The following YIF1B variants were observed in gnomAD, a reference collection of about 807,000 sequenced individuals.
YIF1B encodes protein YIF1B.
In YIF1B, 24 loss-of-function variants were observed where a neutral mutation model predicts 34.6. The observed-to-expected ratio is 0.69, with a 90% CI of 0.50 to 0.98. The LOEUF is 0.98. YIF1B is among the 50% of genes least tolerant of loss of function. The probability of loss-of-function intolerance (pLI) is 0.00; values close to 1 mark genes in which losing one functional copy is unlikely to be tolerated. For synonymous variants in YIF1B, 186 were observed against 184.8 expected (o/e 1.01, Z -0.05); for missense variants, 368 against 429.4 (o/e 0.86, Z 1.26).
upstream of YIF1B, chr19:38,316,061 C>G (rs559998056): frequency 1.5e-4 from 191 of 1,235,406 alleles, no homozygotes; most frequent in Admixed American, 1.1e-3. Context: ...CCAGCCCCCC[C>G]CTTCACGGAG....
At chr19:38,315,312 G>C in intron 1 of YIF1B, 3 of 986,670 alleles carry the variant, frequency 3.0e-6, no homozygotes, top group Non-Finnish European at 3.7e-6. Context: ...CCTAGGCTGG[G>C]TCATGTGCCT....
upstream of YIF1B, chr19:38,315,965 C>A: frequency 7.2e-7 from 1 of 1,379,598 alleles, no homozygotes; most frequent in African/African-American, 1.5e-5. Context: ...GCCCGCCCGG[C>A]TCCCGTACCC....
upstream of YIF1B, among the ~76,000 whole-genome samples, chr19:38,318,193 CAAAAAAAAAAAAAA>C (rs35748833): frequency 0.012 from 356 of 29,918 alleles, 13 homozygotes; most frequent in East Asian, 0.18. Context: ...ACTCTTGTCT[CAAAAAAAAAAAAAA>C]AAAAAAAAAA....
At chr19:38,319,727 C>T (rs1401519709), upstream of YIF1B, 1 of 501,656 alleles carries the variant, frequency 2.0e-6, no homozygotes, top group South Asian at 3.2e-5. Context: ...GCACTGGGCT[C>T]CACCCTCTCC....
At chr19:38,315,135 C>T (rs1229000367) in intron 1 of YIF1B, among the ~76,000 whole-genome samples, 7 of 151,572 alleles carry the variant, frequency 4.6e-5, no homozygotes. Flanking sequence ...ATCCCAGCTA[C>T]TTGGGAGGCT....
At chr19:38,320,395 C>T, upstream of YIF1B, 1 of 1,047,554 alleles carries the variant, frequency 9.5e-7, no homozygotes, top group South Asian at 1.6e-5. Context: ...TTCGGATCCC[C>T]CGAAAAGACC....
Position 38,304,932 on chromosome 19 carries a change from GAGA to G in YIF1B, c.*417_*419del, listed in dbSNP as rs1568350762. ...GAAGAAGAAGGAGAAGGGCAAGAAG[GAGA>G]AGGGCAAGAAGAAGGAGGCTCCCCA... On this transcript the variant is annotated 3_prime_UTR_variant, in exon 8 of 8. Coordinates refer to ENST00000339413, the MANE Select transcript of YIF1B (RefSeq NM_001039672.3). The G allele has an allele frequency of 2.5e-6, 4 of 1,611,814 alleles. No homozygotes were observed. The highest frequency in any genetic ancestry group is 1.7e-5 in the Admixed American group (1 of 59,732).
upstream of YIF1B, among the ~76,000 whole-genome samples, chr19:38,320,652 G>T (rs1245615897): frequency 6.6e-6 from 1 of 151,858 alleles, no homozygotes; most frequent in South Asian, 2.1e-4. Context: ...TCCGCCTCCC[G>T]GTTTCAAGCT....
chr19:38,306,889 G>T (rs1027309308), intron 7 of YIF1B: 3 of 445,856 alleles, frequency 6.7e-6, no homozygotes, highest in Non-Finnish European at 1.4e-5. Context: ...CACCGTGTTA[G>T]CCAGGATGGT....
At chr19:38,315,653 C>T in intron 1 of YIF1B, 1 of 1,573,342 alleles carries the variant, frequency 6.4e-7, no homozygotes, top group Non-Finnish European at 8.6e-7. Flanking sequence ...GCACGCTATC[C>T]AGTCCCAAGT....
intron 1 of YIF1B, chr19:38,315,538 T>G (rs1600410369): frequency 6.9e-7 from 1 of 1,456,776 alleles, no homozygotes; most frequent in Non-Finnish European, 9.0e-7. Flanking sequence ...GTCCTAAGGG[T>G]GTGGGCGACA....
At chr19:38,311,440 T>C (rs895619530) in intron 1 of YIF1B, among the ~76,000 whole-genome samples, 1 of 152,136 alleles carries the variant, frequency 6.6e-6, no homozygotes, top group Non-Finnish European at 1.5e-5. Flanking sequence ...GCCTGATAAA[T>C]ATTACAATAA....
At position 38,304,872 on chromosome 19, in the gene YIF1B, G is replaced by A; in HGVS notation, c.*480C>T. 1.2e-6 allele frequency: 2 copies of A among 1,613,678 alleles called. No homozygotes were observed. Among genetic ancestry groups the A allele is most frequent in the Non-Finnish European group, 1.7e-6 (2 of 1,179,990 alleles). ...CCACGCTGCTGGCTCCAAGCAGCAC[G>A]AGAGCATCCCGGGCAAGGCCAAGAA... is the stretch of plus-strand genomic sequence containing the variant. On this transcript the variant is annotated 3_prime_UTR_variant, in exon 8 of 8. Transcript: ENST00000339413.
chr19:38,304,449 G>A lies in YIF1B; in HGVS notation c.*903C>T. On this transcript the variant is annotated 3_prime_UTR_variant, in exon 8 of 8. Transcript: ENST00000339413. The stretch of plus-strand genomic sequence containing the variant: ...AGATCCCAAGCTCAGTCCCCACAAA[G>A]TTCAGGGCCGGTCGGAGGCAGGGGC... 6.4e-7 allele frequency: 1 copy of A among 1,557,844 alleles called. No homozygotes were observed. Among genetic ancestry groups the A allele is most frequent in the Non-Finnish European group, 8.7e-7 (1 of 1,151,362 alleles).
intron 7 of YIF1B, chr19:38,307,189 C>T (rs150078624): frequency 1.3e-4 from 72 of 562,540 alleles, no homozygotes; most frequent in African/African-American, 1.2e-3. Flanking sequence ...AGCCTGGAGC[C>T]TGTGTGCTGG....
At chr19:38,320,211 G>C, upstream of YIF1B, 3 of 1,603,240 alleles carry the variant, frequency 1.9e-6, no homozygotes, top group South Asian at 1.1e-5. Context: ...CCAACGCCTC[G>C]GACCCCGCCT....
intron 4 of YIF1B, 55 bp downstream of exon 4, chr19:38,308,924 G>A (rs952284815): frequency 5.5e-5 from 88 of 1,613,012 alleles, no homozygotes; most frequent in African/African-American, 6.7e-5. Flanking sequence ...CCACACACCC[G>A]CTCCATATAG....
intron 1 of YIF1B, among the ~76,000 whole-genome samples, chr19:38,311,057 G>T (rs536224657): frequency 4.6e-5 from 7 of 152,046 alleles, no homozygotes; most frequent in Non-Finnish European, 1.0e-4. Flanking sequence ...GTTAGAGTAG[G>T]CACTTGATAA....
At chr19:38,318,476 G>A (rs1385296372), upstream of YIF1B, among the ~76,000 whole-genome samples, 1 of 152,026 alleles carries the variant, frequency 6.6e-6, no homozygotes, top group Non-Finnish European at 1.5e-5. Context: ...TCGAGATGGG[G>A]TTTTGCCATG....
Sources: gnomAD v4.1 joint callset for allele counts (sites outside exome capture counted in the v4.1 genomes callset) on GRCh38, gnomAD v4.1.1 for gene constraint, MANE v1.5 for transcripts, NCBI Gene and HGNC (gene_info 2026-07-23, HGNC 2026-07-21) for gene names.